Variants in SND1 observed in about 807,000 individuals in gnomAD.
SND1 encodes the protein staphylococcal nuclease domain-containing protein 1.
A neutral mutation model predicts 121.7 loss-of-function variants in SND1; 38 were observed. The observed-to-expected ratio is 0.31, with a 90% CI of 0.24 to 0.41. The LOEUF is 0.41. SND1 is among the 10% of genes least tolerant of loss of function. The pLI, the probability that SND1 is intolerant of heterozygous loss-of-function variation, is 1.00. For synonymous variants in SND1, 401 were observed against 447.4 expected, an observed-to-expected ratio of 0.90 and a Z score of 1.31; for missense variants, 868 against 1,184.6, an observed-to-expected ratio of 0.73 and a Z score of 3.92.
intron 15 of SND1, among the ~76,000 whole-genome samples, chr7:127,942,232 T>A (rs79200129): frequency 1.3e-5 from 2 of 152,228 alleles, no homozygotes; most frequent in East Asian, 3.9e-4. Context: ...AAGGAAATAG[T>A]GTATGCCTTC....
rs76046958 is a variant in SND1, at chr7:127,837,630, C to A, written c.1243-6694C>A. Among the ~76,000 whole-genome samples the A allele has an allele frequency of 5.9e-3, 891 of 152,298 alleles. 16 individuals are homozygous for A. The highest frequency in any genetic ancestry group is 0.02 in the African/African-American group (849 of 41,556). The stretch of plus-strand genomic sequence containing the variant: ...CTCAGAGCATGCCCAGAGGCAGGAC[C>A]AACAGGCTCCTTAGCAATTTGTTTT... On this transcript the variant is annotated intron_variant, in intron 11 of 23. Coordinates refer to ENST00000354725, the MANE Select transcript of SND1 (RefSeq NM_014390.4).
At chr7:127,754,222 TGAG>T (rs1290238210) in intron 10 of SND1, among the ~76,000 whole-genome samples, 11 of 152,286 alleles carry the variant, frequency 7.2e-5, no homozygotes, top group Admixed American at 7.2e-4. Flanking sequence ...GGGCTCAGAT[TGAG>T]GAGGTCAGAT....
At chr7:128,046,759 G>A (rs530485468) in intron 16 of SND1, among the ~76,000 whole-genome samples, 7 of 152,198 alleles carry the variant, frequency 4.6e-5, no homozygotes, top group South Asian at 2.1e-4. Flanking sequence ...AGCACCTAGC[G>A]TGTGTCTTTA....
At chr7:127,910,977 G>A (rs190405495) in intron 14 of SND1, among the ~76,000 whole-genome samples, 2 of 152,208 alleles carry the variant, frequency 1.3e-5, no homozygotes, top group Non-Finnish European at 2.9e-5. Flanking sequence ...CCAGCTCACT[G>A]TCTGCAGAAC....
At chr7:127,983,879 A>C (rs1206358655) in intron 15 of SND1, among the ~76,000 whole-genome samples, 1 of 152,036 alleles carries the variant, frequency 6.6e-6, no homozygotes, top group Non-Finnish European at 1.5e-5. Context: ...AGTCATCCCC[A>C]CACTAAGTTT....
intron 1 of SND1, among the ~76,000 whole-genome samples, chr7:127,678,721 A>C (rs1390868927): frequency 1.3e-5 from 2 of 152,084 alleles, no homozygotes; most frequent in Non-Finnish European, 2.9e-5. Context: ...TTTTCAAGAG[A>C]TGATTCTTCC....
chr7:127,904,751 A>C lies in SND1; in HGVS notation c.1459A>C (p.Ile487Leu). The stretch of plus-strand genomic sequence containing the variant: ...TTTTCTCTTCTTCCTTAACAGAGCT[A>C]TTAAGAATGGCAAAGGATTGCATAG... Reference protein sequence around the residue: ...DELLAAEARAIKNGKGLHSKK... With the variant: ...DELLAAEARALKNGKGLHSKK... Residue 487 changes from isoleucine to leucine, a missense_variant, in exon 14 of 24, where the codon ATT becomes CTT. Coordinates refer to ENST00000354725, the MANE Select transcript of SND1 (RefSeq NM_014390.4). The C allele has an allele frequency of 6.2e-7, 1 of 1,604,224 alleles. No individual in the cohort carries two copies. The highest frequency in any genetic ancestry group is 8.5e-7 in the Non-Finnish European group (1 of 1,171,084).
intron 16 of SND1, chr7:128,028,905 G>A: frequency 6.2e-7 from 1 of 1,613,418 alleles, no homozygotes; most frequent in Non-Finnish European, 8.5e-7. Context: ...TGCTGCGGAT[G>A]TTGCTGCTGG....
At position 128,029,295 on chromosome 7, in the gene SND1, G is replaced by A; in HGVS notation, c.1779+38239G>A. On this transcript the variant is annotated intron_variant, in intron 16 of 23. Coordinates refer to ENST00000354725, the MANE Select transcript of SND1 (RefSeq NM_014390.4). This position sits in a 1 kb window ranked among gnomAD's most constrained non-coding sequence, Gnocchi z 4.2. ...TACTGTGGTGAAGAAGCTGTAGTTG[G>A]AGGTGTTAAGCTCAGCCGTGCTCAC... is the stretch of plus-strand genomic sequence containing the variant. 6.2e-7 allele frequency: 1 copy of A among 1,614,196 alleles called. No homozygotes were observed. Among genetic ancestry groups the A allele is most frequent in the Non-Finnish European group, 8.5e-7 (1 of 1,180,048 alleles).
rs540495554 is a variant in SND1, at chr7:127,857,682, C to T, written c.1343+13258C>T. ...CAAAGGGGCTGTGGAGAGGTTCCCT[C>T]GCTTCTGGCCATCAGCACAGCCAAG... On this transcript the variant is annotated intron_variant, in intron 12 of 23. Coordinates refer to ENST00000354725, the MANE Select transcript of SND1 (RefSeq NM_014390.4). 6.6e-5 allele frequency among the ~76,000 whole-genome samples: 10 copies of T among 152,152 alleles called. No homozygotes were observed. The South Asian group carries it at 1.7e-3, about 25-fold the overall frequency.
At chr7:127,721,530 A>G (rs1453013473) in intron 10 of SND1, 130 bp downstream of exon 10, 6 of 543,848 alleles carry the variant, frequency 1.1e-5, no homozygotes, top group Non-Finnish European at 1.3e-5. Context: ...AAATCTCCAC[A>G]GTATTATTTT....
intron 10 of SND1, among the ~76,000 whole-genome samples, chr7:127,765,123 A>G (rs1399605345): frequency 6.6e-6 from 1 of 152,200 alleles, no homozygotes; most frequent in African/African-American, 2.4e-5. Context: ...TACAAATGAC[A>G]TCTAGGAACA....
intron 16 of SND1, among the ~76,000 whole-genome samples, chr7:128,073,117 A>T (rs1793442612): frequency 6.6e-6 from 1 of 152,144 alleles, no homozygotes; most frequent in African/African-American, 2.4e-5. Flanking sequence ...AGGGGGTATT[A>T]GGGAGGGGCA....
In SND1 at chr7:128,074,388, C is replaced by T. The variant is rs1000176563; in HGVS notation, c.1780-114C>T. 31 of 1,066,604 alleles carry T rather than the reference C, an allele frequency of 2.9e-5. No individual in the cohort carries two copies. In the East Asian group the frequency reaches 5.0e-4, roughly 17 times the overall value. 66.1% of individuals were successfully genotyped at this position (1,066,604 alleles called of 1,614,324 possible). A position where few individuals can be genotyped will look rare whatever the true frequency, so the allele number is the denominator to read the frequency against. ...TCTGGGGGTTCCCAGAGGTTGGCAG[C>T]GGCTGCCAAGGCCTGTGAGCCCAAG... On this transcript the variant is annotated intron_variant, in intron 16 of 23. Coordinates refer to ENST00000354725, the MANE Select transcript of SND1 (RefSeq NM_014390.4).
chr7:127,741,678 C>T (rs1796884827), intron 10 of SND1, among the ~76,000 whole-genome samples: 2 of 152,100 alleles, frequency 1.3e-5, no homozygotes, highest in Non-Finnish European at 2.9e-5. Context: ...CCTTAGGAGA[C>T]CTAATCATTT....
chr7:127,673,662 A>G (rs1795565192), intron 1 of SND1, among the ~76,000 whole-genome samples: 1 of 152,136 alleles, frequency 6.6e-6, no homozygotes, highest in Non-Finnish European at 1.5e-5. Flanking sequence ...ATTATTTTCT[A>G]ATTCCATCAT....
chr7:127,819,974 T>A (rs1001184020), intron 11 of SND1, among the ~76,000 whole-genome samples: 2 of 151,592 alleles, frequency 1.3e-5, no homozygotes, highest in African/African-American at 4.8e-5. Flanking sequence ...AAATCTCTAC[T>A]GTTTCTGTGC....
intron 15 of SND1, among the ~76,000 whole-genome samples, chr7:127,932,597 A>G (rs1800976197): frequency 6.6e-6 from 1 of 152,232 alleles, no homozygotes; most frequent in Non-Finnish European, 1.5e-5. Flanking sequence ...ATGAAATGCT[A>G]TCCCACAGCA....
At chr7:127,890,709 A>C (rs556910675) in intron 13 of SND1, among the ~76,000 whole-genome samples, 2 of 152,276 alleles carry the variant, frequency 1.3e-5, no homozygotes, top group South Asian at 2.1e-4. Flanking sequence ...ATGTTTTGCT[A>C]TAATACTTAA....
Sources: gnomAD v4.1 joint callset for allele counts (sites outside exome capture counted in the v4.1 genomes callset) on GRCh38, gnomAD v4.1.1 for gene constraint, Gnocchi (gnomAD v3.1) non-coding constraint, MANE v1.5 for transcripts, NCBI Gene and HGNC (gene_info 2026-07-23, HGNC 2026-07-21) for gene names.